Variants in DPP6 observed in about 807,000 individuals in gnomAD.
The protein encoded by DPP6 is dipeptidyl peptidase like 6, also known as A-type potassium channel modulatory protein DPP6.
Under a neutral mutation model 122.6 loss-of-function variants are expected in DPP6, and 69 were observed. The observed-to-expected ratio is 0.56, with a 90% CI of 0.46 to 0.69. DPP6 has a LOEUF of 0.69. DPP6 is among the 30% of genes least tolerant of loss of function. The pLI, the probability that DPP6 is intolerant of heterozygous loss-of-function variation, is 0.00. For missense variants in DPP6, 928 were observed against 1,116.9 expected, an observed-to-expected ratio of 0.83 and a Z score of 2.41; for synonymous variants, 418 against 433.1, an observed-to-expected ratio of 0.97 and a Z score of 0.43.
At chr7:153,766,144 G>A in the DPP6 span, among the ~76,000 whole-genome samples, 5 of 152,152 alleles carry the variant, frequency 3.3e-5, no homozygotes, top group Admixed American at 2.0e-4. Context: ...CTTTCATTTC[G>A]TGAAAACGGT....
chr7:154,132,477 T>C (rs1256915319), intron 1 of DPP6, among the ~76,000 whole-genome samples: 1 of 152,070 alleles, frequency 6.6e-6, no homozygotes, highest in African/African-American at 2.4e-5. Context: ...ATTTACCCCA[T>C]TATCTGTAAT....
rs547226952 is a variant in DPP6 at position 154,185,759 on chromosome 7, A to G, written c.243+132696A>G. Among the ~76,000 whole-genome samples the G allele has an allele frequency of 2.1e-4, 32 of 152,262 alleles. No individual in the cohort carries two copies. The South Asian group carries it at 6.4e-3, about 31-fold the overall frequency. Reference sequence around the variant, plus strand: ...CTGGGGTTACAGATATTCTTTGTCAATTACTTCTGGAATCCCCATATCTAC... The same window carrying G: ...CTGGGGTTACAGATATTCTTTGTCAGTTACTTCTGGAATCCCCATATCTAC... On this transcript the variant is annotated intron_variant, in intron 1 of 25. Coordinates refer to ENST00000377770, the MANE Select transcript of DPP6 (RefSeq NM_130797.4).
At chr7:154,847,937 C>A (rs984938166) in intron 16 of DPP6, among the ~76,000 whole-genome samples, 40 of 152,210 alleles carry the variant, frequency 2.6e-4, no homozygotes, top group African/African-American at 9.2e-4. Context: ...TCTTCCTATG[C>A]CTGGCTTATT....
intron 1 of DPP6, among the ~76,000 whole-genome samples, chr7:153,957,049 T>C (rs1319085343): frequency 1.3e-5 from 2 of 152,230 alleles, no homozygotes; most frequent in African/African-American, 4.8e-5. Context: ...TTGTAAATTC[T>C]TTATATTGTT....
chr7:153,989,850 C>T (rs1797065867), intron 1 of DPP6, among the ~76,000 whole-genome samples: 1 of 151,876 alleles, frequency 6.6e-6, no homozygotes, highest in South Asian at 2.1e-4. Context: ...CAGGGCTCTG[C>T]CCACCTGCAA....
intron 1 of DPP6, among the ~76,000 whole-genome samples, chr7:154,278,171 A>C (rs1393210913): frequency 6.6e-6 from 1 of 152,120 alleles, no homozygotes; most frequent in African/African-American, 2.4e-5. Flanking sequence ...TTCACCAACA[A>C]CTTACAACTC....
chr7:154,477,823 A>G (rs985797872), intron 3 of DPP6, among the ~76,000 whole-genome samples: 4 of 152,180 alleles, frequency 2.6e-5, no homozygotes, highest in Non-Finnish European at 5.9e-5. Context: ...GCAGTTCTAA[A>G]TGGACCTGCC....
intron 1 of DPP6, among the ~76,000 whole-genome samples, chr7:154,014,614 A>T (rs944955360): frequency 5.9e-5 from 9 of 151,870 alleles, no homozygotes; most frequent in Non-Finnish European, 1.2e-4. Context: ...GTGAGCCGAG[A>T]TTTTGCCACT....
chr7:154,851,332 T>A (rs1320120508), intron 16 of DPP6, among the ~76,000 whole-genome samples: 1 of 152,214 alleles, frequency 6.6e-6, no homozygotes, highest in Admixed American at 6.5e-5. Context: ...CATAAAAATA[T>A]CTAACAGCAT....
chr7:154,543,002 G>A (rs181187986), intron 4 of DPP6, among the ~76,000 whole-genome samples: 170 of 152,336 alleles, frequency 1.1e-3, no homozygotes, highest in African/African-American at 4.0e-3. Context: ...TCATGAGCAA[G>A]TATGGAGAAG....
intron 10 of DPP6, among the ~76,000 whole-genome samples, chr7:154,792,737 G>C (rs1797758795): frequency 6.6e-6 from 1 of 152,228 alleles, no homozygotes. Flanking sequence ...CACAGAAATG[G>C]AGCAGGTTGA....
chr7:154,367,802 T>TATTG (rs777783228), intron 1 of DPP6, among the ~76,000 whole-genome samples: 15 of 152,178 alleles, frequency 9.9e-5, no homozygotes, highest in Non-Finnish European at 1.8e-4. Flanking sequence ...TAAAATTTAT[T>TATTG]ATTGATTGAT....
chr7:154,873,781 C>T (rs1563308709), intron 19 of DPP6, among the ~76,000 whole-genome samples: 1 of 151,532 alleles, frequency 6.6e-6, no homozygotes, highest in Non-Finnish European at 1.5e-5. Context: ...TGCACACACA[C>T]CCACATGTGC....
intron 1 of DPP6, among the ~76,000 whole-genome samples, chr7:154,216,233 G>A (rs1407039032): frequency 6.6e-6 from 1 of 151,460 alleles, no homozygotes; most frequent in Non-Finnish European, 1.5e-5. Flanking sequence ...CAGGGACAGG[G>A]CAAGCCTCTT....
chr7:154,453,744 A>G (rs1005707452), intron 2 of DPP6, among the ~76,000 whole-genome samples: 1 of 152,098 alleles, frequency 6.6e-6, no homozygotes, highest in Non-Finnish European at 1.5e-5. Flanking sequence ...ATCACAGAGT[A>G]GTATTATGAG....
At chr7:154,274,981 C>T (rs907867197) in intron 1 of DPP6, among the ~76,000 whole-genome samples, 1 of 152,258 alleles carries the variant, frequency 6.6e-6, no homozygotes, top group Admixed American at 6.5e-5. Flanking sequence ...GTGCAGTTGG[C>T]ACAGGCTCTG....
At chr7:153,981,249 AT>A (rs1796568524) in intron 1 of DPP6, among the ~76,000 whole-genome samples, 1 of 152,196 alleles carries the variant, frequency 6.6e-6, no homozygotes, top group Non-Finnish European at 1.5e-5. Context: ...GTGCATACAT[AT>A]TTAGGATAGT....
the DPP6 span, among the ~76,000 whole-genome samples, chr7:153,799,134 G>A: frequency 1.4e-4 from 21 of 152,212 alleles, no homozygotes; most frequent in Non-Finnish European, 2.1e-4. Flanking sequence ...GCATGAAACA[G>A]ACTGATAGCT....
At chr7:154,645,900 C>T (rs559147777) in intron 6 of DPP6, among the ~76,000 whole-genome samples, 230 of 151,692 alleles carry the variant, frequency 1.5e-3, no homozygotes, top group Non-Finnish European at 2.8e-3. Context: ...TGGTGGTGGG[C>T]ACCTGTAGTC....
Sources: gnomAD v4.1 joint callset for allele counts (sites outside exome capture counted in the v4.1 genomes callset) on GRCh38, gnomAD v4.1.1 for gene constraint, MANE v1.5 for transcripts, NCBI Gene and HGNC (gene_info 2026-07-23, HGNC 2026-07-21) for gene names.